The following LRMDA variants were observed in gnomAD, a reference collection of about 807,000 sequenced individuals.
LRMDA encodes the protein leucine-rich melanocyte differentiation-associated protein.
In LRMDA, 18 loss-of-function variants were observed where a neutral mutation model predicts 29.8. The ratio of observed to expected loss-of-function variants is 0.60; its 90% CI spans 0.42 to 0.90. LRMDA has a LOEUF of 0.90. LRMDA is among the 40% of genes least tolerant of loss of function. The pLI, the probability that LRMDA is intolerant of heterozygous loss-of-function variation, is 0.00. For synonymous variants in LRMDA, 125 were observed against 109.4 expected (o/e 1.14, Z -0.89); for missense variants, 273 against 273.9 (o/e 1.00, Z 0.02).
intron 2 of LRMDA, among the ~76,000 whole-genome samples, chr10:75,788,957 T>C (rs1298878628): frequency 6.6e-6 from 1 of 152,258 alleles, no homozygotes; most frequent in Admixed American, 6.5e-5. Flanking sequence ...AACCAGCATT[T>C]GTGGACAATA....
chr10:76,112,936 C>A (rs1174269222), intron 5 of LRMDA, among the ~76,000 whole-genome samples: 1 of 152,134 alleles, frequency 6.6e-6, no homozygotes, highest in African/African-American at 2.4e-5. Context: ...AAGTTTTGCC[C>A]CTGCCTTGGA....
At chr10:75,982,544 G>C (rs541996427) in intron 2 of LRMDA, among the ~76,000 whole-genome samples, 1 of 152,150 alleles carries the variant, frequency 6.6e-6, no homozygotes, top group Non-Finnish European at 1.5e-5. Flanking sequence ...TCTGTGAATT[G>C]GTTGGGTGGC....
chr10:75,853,323 G>A (rs1844764657), intron 2 of LRMDA, among the ~76,000 whole-genome samples: 1 of 152,082 alleles, frequency 6.6e-6, no homozygotes, highest in Non-Finnish European at 1.5e-5. Flanking sequence ...TCCTGGCCTT[G>A]GAAAATGAAA....
intron 5 of LRMDA, among the ~76,000 whole-genome samples, chr10:76,146,368 G>A (rs1380428359): frequency 6.6e-6 from 1 of 151,578 alleles, no homozygotes; most frequent in South Asian, 2.1e-4. Context: ...TATGAATCTG[G>A]GTGCTCCTGT....
intron 5 of LRMDA, among the ~76,000 whole-genome samples, chr10:76,249,789 C>T (rs1852440528): frequency 6.6e-6 from 1 of 152,124 alleles, no homozygotes; most frequent in African/African-American, 2.4e-5. Context: ...CAGCAAACCA[C>T]AAATTATTTA....
chr10:76,031,529 A>G (rs542507358), intron 2 of LRMDA, among the ~76,000 whole-genome samples: 58 of 152,232 alleles, frequency 3.8e-4, no homozygotes, highest in African/African-American at 1.2e-3. Context: ...CCCTCACTGT[A>G]CACTTAACAG....
intron 5 of LRMDA, among the ~76,000 whole-genome samples, chr10:76,312,134 C>T (rs536738100): frequency 5.9e-5 from 9 of 152,250 alleles, no homozygotes; most frequent in African/African-American, 1.4e-4. Context: ...AAGGGCAGTG[C>T]GAGTCCTTCC....
chr10:75,759,032 C>T (rs1843064936), intron 2 of LRMDA, among the ~76,000 whole-genome samples: 1 of 151,728 alleles, frequency 6.6e-6, no homozygotes, highest in East Asian at 1.9e-4. Flanking sequence ...TCCTATATAT[C>T]CACATCTATC....
chr10:76,380,258 T>A (rs1182467457), intron 6 of LRMDA, among the ~76,000 whole-genome samples: 1 of 152,228 alleles, frequency 6.6e-6, no homozygotes, highest in African/African-American at 2.4e-5. Flanking sequence ...TCAAAGTTTC[T>A]TTGTTGATTT....
chr10:76,177,800 A>G (rs1036321531), intron 5 of LRMDA, among the ~76,000 whole-genome samples: 39 of 152,216 alleles, frequency 2.6e-4, no homozygotes, highest in African/African-American at 9.2e-4. Flanking sequence ...AATGTCTGCT[A>G]TCTTATTTAA....
intron 5 of LRMDA, among the ~76,000 whole-genome samples, chr10:76,062,658 G>C (rs201970900): frequency 4.5e-3 from 204 of 45,558 alleles, no homozygotes; most frequent in African/African-American, 0.015. Flanking sequence ...TTATCTCTCT[G>C]TGTGTGTGTG....
intron 2 of LRMDA, among the ~76,000 whole-genome samples, chr10:75,838,317 T>A (rs980104815): frequency 6.6e-6 from 1 of 152,188 alleles, no homozygotes; most frequent in African/African-American, 2.4e-5. Context: ...GAAAAATGTA[T>A]TGTGTATCGT....
chr10:76,034,307 A>C (rs941884242), intron 2 of LRMDA, among the ~76,000 whole-genome samples: 6 of 152,222 alleles, frequency 3.9e-5, no homozygotes, highest in African/African-American at 1.4e-4. Flanking sequence ...TGGGATATCC[A>C]GCCCTTCAAG....
In LRMDA at chr10:75,611,023, G is replaced by A. The variant is rs1360471851; in HGVS notation, c.131+172529G>A. On this transcript the variant is annotated intron_variant, in intron 2 of 6. Transcript: ENST00000611255. ...CATGCCTCTACTCTTACAGGGTTTG[G>A]GGTGGTATGAGGTTGGGGACAGGGA... 3.3e-5 allele frequency among the ~76,000 whole-genome samples: 5 copies of A among 152,142 alleles called. No individual in the cohort carries two copies. In the East Asian group the frequency reaches 9.6e-4, roughly 29 times the overall value.
chr10:76,415,065 G>A (rs928089078), intron 6 of LRMDA, among the ~76,000 whole-genome samples: 3 of 152,270 alleles, frequency 2.0e-5, no homozygotes, highest in Non-Finnish European at 4.4e-5. Flanking sequence ...CCTCTTGGGA[G>A]CCTGTCAGAG....
At chr10:75,552,565 C>T (rs776199338) in intron 2 of LRMDA, 1 of 479,718 alleles carries the variant, frequency 2.1e-6, no homozygotes, top group Admixed American at 2.2e-5. Context: ...TTCTACCCCT[C>T]ATCCCCTACT....
intron 2 of LRMDA, among the ~76,000 whole-genome samples, chr10:75,813,894 T>C (rs2132274040): frequency 6.6e-6 from 1 of 152,328 alleles, no homozygotes; most frequent in East Asian, 1.9e-4. Flanking sequence ...AAATCTCTGC[T>C]GGGTCAAAAT....
At chr10:76,539,542 T>C (rs1843329510) in intron 6 of LRMDA, among the ~76,000 whole-genome samples, 1 of 152,012 alleles carries the variant, frequency 6.6e-6, no homozygotes, top group South Asian at 2.1e-4. Flanking sequence ...GAGGGAACCT[T>C]TGAAATCAAG....
At chr10:75,896,991 C>G (rs923449568) in intron 2 of LRMDA, among the ~76,000 whole-genome samples, 7 of 152,048 alleles carry the variant, frequency 4.6e-5, no homozygotes, top group African/African-American at 1.7e-4. Context: ...TGCTACTGGG[C>G]AAAGTAATTT....
Sources: gnomAD v4.1 joint callset for allele counts (sites outside exome capture counted in the v4.1 genomes callset) on GRCh38, gnomAD v4.1.1 for gene constraint, MANE v1.5 for transcripts, NCBI Gene and HGNC (gene_info 2026-07-23, HGNC 2026-07-21) for gene names.